The following KLF7 variants were observed in gnomAD, a reference collection of about 807,000 sequenced individuals.
KLF7 encodes the protein Krueppel-like factor 7.
KLF7 carries 2 observed loss-of-function variants against 27.3 expected under a neutral mutation model. The observed-to-expected ratio is 0.07, with a 90% CI of 0.03 to 0.23. KLF7 has a LOEUF of 0.23. Ranked by LOEUF, KLF7 falls within the 10% of genes least tolerant of loss-of-function variation. The pLI, the probability that KLF7 is intolerant of heterozygous loss-of-function variation, is 1.00. For missense variants in KLF7, 221 were observed against 394.1 expected (o/e 0.56, Z 3.72); for synonymous variants, 165 against 162.4 (o/e 1.02, Z -0.12).
intron 1 of KLF7, among the ~76,000 whole-genome samples, chr2:207,137,627 G>A (rs1034218083): frequency 6.6e-6 from 1 of 152,212 alleles, no homozygotes; most frequent in Non-Finnish European, 1.5e-5. Flanking sequence ...AAGAGTGGAG[G>A]ATGGAAATAT....
chr2:207,166,022 C>T (rs1005751352), upstream of KLF7: 245 of 537,430 alleles, frequency 4.6e-4, no homozygotes, highest in Non-Finnish European at 4.9e-4. Flanking sequence ...TCTCTTCCCC[C>T]CCCTTCCCTT....
intron 3 of KLF7, among the ~76,000 whole-genome samples, chr2:207,081,577 T>C (rs1243792580): frequency 1.3e-5 from 2 of 152,168 alleles, no homozygotes; most frequent in Non-Finnish European, 2.9e-5. Flanking sequence ...CTATGCAAGG[T>C]ACTTAGAATA....
intron 1 of KLF7, among the ~76,000 whole-genome samples, chr2:207,146,276 TTC>T (rs1222924485): frequency 1.3e-5 from 2 of 152,218 alleles, no homozygotes; most frequent in African/African-American, 4.8e-5. Context: ...TCTCTCCATT[TTC>T]TCTTGCAGGT....
chr2:207,155,741 C>A (rs1232353616), intron 1 of KLF7, among the ~76,000 whole-genome samples: 1 of 152,166 alleles, frequency 6.6e-6, no homozygotes, highest in Non-Finnish European at 1.5e-5. Context: ...ATCAGTTCTG[C>A]ATAGGGCCTC....
chr2:207,166,897 G>A, upstream of KLF7: 1 of 1,060,336 alleles, frequency 9.4e-7, no homozygotes, highest in Non-Finnish European at 1.2e-6. Flanking sequence ...CGCGGCCTGC[G>A]CCCGCCCCCC....
At chr2:207,096,704 C>A (rs1156905429) in intron 2 of KLF7, among the ~76,000 whole-genome samples, 1 of 152,124 alleles carries the variant, frequency 6.6e-6, no homozygotes, top group Non-Finnish European at 1.5e-5. Flanking sequence ...TCTCACTGGC[C>A]AGGATGTGAA....
chr2:207,144,921 A>C (rs1221824832), intron 1 of KLF7, among the ~76,000 whole-genome samples: 1 of 152,154 alleles, frequency 6.6e-6, no homozygotes, highest in Non-Finnish European at 1.5e-5. Context: ...GCTGTTAAAG[A>C]AGCATCACAC....
In KLF7 at chr2:207,078,772, T is replaced by G. The variant is rs2105837479; in HGVS notation, c.*2441A>C. On this transcript the variant is annotated 3_prime_UTR_variant, in exon 4 of 4. Transcript: ENST00000309446. ...GAGGTTCAAGGTCCCTCACACATCC[T>G]TCATCCAGGAAGGATGCACCACACA... is the stretch of plus-strand genomic sequence containing the variant. The G allele has an allele frequency of 6.6e-6, 1 of 152,286 alleles. No homozygotes were observed. The highest frequency in any genetic ancestry group is 2.1e-4 in the South Asian group (1 of 4,824). 9.4% of individuals were successfully genotyped at this position (152,286 alleles called of 1,614,324 possible).
rs2077691961 is a variant in KLF7, at chr2:207,133,423, C to T, written c.103-9019G>A. 2.0e-5 allele frequency among the ~76,000 whole-genome samples: 3 copies of T among 152,172 alleles called. No individual in the cohort carries two copies. In the South Asian group the frequency reaches 6.2e-4, roughly 31 times the overall value. On this transcript the variant is annotated intron_variant, in intron 1 of 3. Transcript: ENST00000309446. Reference sequence around the variant, plus strand: ...TCCAATGGGAAAAACCCATCACATCCCATGACAATGGCAACCAGTCGGTCC... The same window carrying T: ...TCCAATGGGAAAAACCCATCACATCTCATGACAATGGCAACCAGTCGGTCC...
At chr2:207,109,616 C>T (rs181249481) in intron 2 of KLF7, among the ~76,000 whole-genome samples, 1 of 152,254 alleles carries the variant, frequency 6.6e-6, no homozygotes, top group East Asian at 1.9e-4. Flanking sequence ...ATTATTATTG[C>T]TTACTTGGGT....
rs754183730 is a variant in KLF7 at position 207,165,624 on chromosome 2, CTGTT to C, written c.-60_-57del. 258 of 1,609,964 alleles carry C rather than the reference CTGTT, an allele frequency of 1.6e-4. No homozygotes were observed. Among genetic ancestry groups the C allele is most frequent in the Non-Finnish European group, 1.8e-4 (215 of 1,178,582 alleles). On this transcript the variant is annotated 5_prime_UTR_variant, in exon 1 of 4. Coordinates refer to ENST00000309446, the MANE Select transcript of KLF7 (RefSeq NM_003709.4). ...AACCCTCCCCCGAACACAGTTGGGGCTGTTTGTTTGTCAGTCTGTCTGGCTCACC... is the reference window on the plus strand; with the variant it reads ...AACCCTCCCCCGAACACAGTTGGGGCTGTTTGTCAGTCTGTCTGGCTCACC...
chr2:207,127,469 A>G (rs539714450), intron 1 of KLF7, among the ~76,000 whole-genome samples: 57 of 152,300 alleles, frequency 3.7e-4, no homozygotes, highest in African/African-American at 1.3e-3. Context: ...GAGGATTCTA[A>G]TATTAGATTA....
chr2:207,167,530 G>A (rs2078747419), upstream of KLF7, among the ~76,000 whole-genome samples: 1 of 152,222 alleles, frequency 6.6e-6, no homozygotes, highest in Admixed American at 6.5e-5. Flanking sequence ...AGCACAGATT[G>A]AAATTCAGTA....
chr2:207,111,050 C>G, intron 2 of KLF7, among the ~76,000 whole-genome samples: 1 of 152,148 alleles, frequency 6.6e-6, no homozygotes, highest in Non-Finnish European at 1.5e-5. Context: ...ACCCCCAACC[C>G]CACATATGAC....
At chr2:207,127,073 C>T (rs1159676187) in intron 1 of KLF7, among the ~76,000 whole-genome samples, 1 of 152,170 alleles carries the variant, frequency 6.6e-6, no homozygotes, top group East Asian at 1.9e-4. Flanking sequence ...ACACACTCTT[C>T]TGGGAGGATT....
chr2:207,142,873 G>A (rs1455832068), intron 1 of KLF7, among the ~76,000 whole-genome samples: 2 of 152,188 alleles, frequency 1.3e-5, no homozygotes, highest in South Asian at 2.1e-4. Context: ...AATTACATTG[G>A]TGGTTTGCTC....
chr2:207,106,048 C>T (rs918012581), intron 2 of KLF7, among the ~76,000 whole-genome samples: 8 of 152,122 alleles, frequency 5.3e-5, no homozygotes, highest in Admixed American at 4.6e-4. Context: ...AAATAAAATA[C>T]AGTATTAGAA....
intron 2 of KLF7, among the ~76,000 whole-genome samples, chr2:207,089,877 T>A (rs2076472377): frequency 6.6e-6 from 1 of 152,144 alleles, no homozygotes; most frequent in African/African-American, 2.4e-5. Context: ...GATACCTAGG[T>A]GCCAAAGTAC....
intron 2 of KLF7, among the ~76,000 whole-genome samples, chr2:207,101,576 C>T (rs944646652): frequency 6.6e-6 from 1 of 152,126 alleles, no homozygotes; most frequent in African/African-American, 2.4e-5. Context: ...GAGGAGGACC[C>T]TTAAGAATGG....
Sources: gnomAD v4.1 joint callset for allele counts (sites outside exome capture counted in the v4.1 genomes callset) on GRCh38, gnomAD v4.1.1 for gene constraint, MANE v1.5 for transcripts, NCBI Gene and HGNC (gene_info 2026-07-23, HGNC 2026-07-21) for gene names.